The following BCKDHB variants were observed in gnomAD, a reference collection of about 807,000 sequenced individuals.
The protein encoded by BCKDHB is branched chain keto acid dehydrogenase E1 subunit beta, also known as 2-oxoisovalerate dehydrogenase subunit beta, mitochondrial.
BCKDHB carries 41 observed loss-of-function variants against 48.5 expected under a neutral mutation model. That is an observed-to-expected ratio of 0.85 (90% CI 0.66 to 1.10). The LOEUF (loss-of-function observed/expected upper bound fraction) is 1.10. BCKDHB is among the 50% of genes least tolerant of loss of function. The pLI is 0.00. For synonymous variants in BCKDHB, 201 were observed against 174.8 expected (o/e 1.15, Z -1.18); for missense variants, 496 against 494.2 (o/e 1.00, Z -0.03).
At chr6:80,460,083 A>T in the BCKDHB span, among the ~76,000 whole-genome samples, 2 of 152,176 alleles carry the variant, frequency 1.3e-5, no homozygotes, top group Non-Finnish European at 2.9e-5. Context: ...ATTAGAAAAG[A>T]TGTAAGAAAT....
chr6:80,273,000 G>T, intron 8 of BCKDHB, 135 bp from the exon 9 acceptor site: 1 of 731,608 alleles, frequency 1.4e-6, no homozygotes, highest in South Asian at 1.7e-5. Context: ...TAACTTATTG[G>T]CATACAATTG....
At chr6:80,212,403 C>A (rs1774979727) in intron 8 of BCKDHB, among the ~76,000 whole-genome samples, 6 of 152,116 alleles carry the variant, frequency 3.9e-5, no homozygotes, top group Admixed American at 3.9e-4. Context: ...ACTTGCATGT[C>A]CATTTATAGG....
At chr6:80,346,918 A>G (rs1490103851), downstream of BCKDHB, among the ~76,000 whole-genome samples, 1 of 145,970 alleles carries the variant, frequency 6.9e-6, no homozygotes, top group Admixed American at 6.7e-5. Context: ...CATGGGTTCT[A>G]GGAAAAAGGT....
chr6:80,415,886 G>T, the BCKDHB span, among the ~76,000 whole-genome samples: 1 of 151,794 alleles, frequency 6.6e-6, no homozygotes, highest in African/African-American at 2.4e-5. Context: ...ATTCACCTGT[G>T]AATCTATGTG....
intron 8 of BCKDHB, among the ~76,000 whole-genome samples, chr6:80,259,911 C>T (rs1346824052): frequency 6.6e-6 from 1 of 152,072 alleles, no homozygotes; most frequent in Non-Finnish European, 1.5e-5. Flanking sequence ...GATAAATATC[C>T]ACAACTCCAA....
intron 1 of BCKDHB, among the ~76,000 whole-genome samples, chr6:80,108,280 G>C (rs1456211568): frequency 6.6e-6 from 1 of 150,624 alleles, no homozygotes; most frequent in Non-Finnish European, 1.5e-5. Flanking sequence ...TTGTGAAACA[G>C]TAGGTACCAT....
intron 6 of BCKDHB, among the ~76,000 whole-genome samples, chr6:80,193,668 C>T (rs1021720556): frequency 2.7e-5 from 4 of 147,768 alleles, no homozygotes; most frequent in East Asian, 2.0e-4. Context: ...TGCAGTGAGC[C>T]GGGACTGTGC....
chr6:80,268,293 C>G (rs1777597967), intron 8 of BCKDHB, among the ~76,000 whole-genome samples: 1 of 152,004 alleles, frequency 6.6e-6, no homozygotes, highest in Non-Finnish European at 1.5e-5. Flanking sequence ...CTTAATGATT[C>G]TAAATTGTAT....
At chr6:80,331,591 T>C (rs1769317811) in intron 9 of BCKDHB, among the ~76,000 whole-genome samples, 1 of 152,226 alleles carries the variant, frequency 6.6e-6, no homozygotes. Context: ...CAAGCTGTGC[T>C]GGGTGAAACA....
intron 3 of BCKDHB, among the ~76,000 whole-genome samples, chr6:80,134,146 G>T (rs1770769080): frequency 6.6e-6 from 1 of 152,112 alleles, no homozygotes; most frequent in Non-Finnish European, 1.5e-5. Flanking sequence ...CCTGGTTGTG[G>T]TTCTTAGTGT....
At chr6:80,244,682 G>A (rs1471642936) in intron 8 of BCKDHB, among the ~76,000 whole-genome samples, 1 of 152,076 alleles carries the variant, frequency 6.6e-6, no homozygotes, top group Non-Finnish European at 1.5e-5. Flanking sequence ...TTCTTTTCGA[G>A]CAAAATGGTA....
intron 6 of BCKDHB, among the ~76,000 whole-genome samples, chr6:80,175,396 G>T (rs1773103486): frequency 6.6e-6 from 1 of 152,186 alleles, no homozygotes; most frequent in African/African-American, 2.4e-5. Flanking sequence ...ACAATGACAG[G>T]AAATGGATAT....
chr6:80,352,164 A>G, the BCKDHB span, among the ~76,000 whole-genome samples: 1 of 127,852 alleles, frequency 7.8e-6, no homozygotes, highest in Admixed American at 7.6e-5. Flanking sequence ...TTTTTTTTGG[A>G]GATAGGGTTT....
At chr6:80,240,414 A>G in intron 8 of BCKDHB, among the ~76,000 whole-genome samples, 1 of 152,054 alleles carries the variant, frequency 6.6e-6, no homozygotes. Flanking sequence ...TAGGTATTTT[A>G]TTCTCTTTGA....
the BCKDHB span, among the ~76,000 whole-genome samples, chr6:80,387,051 A>G: frequency 6.6e-6 from 1 of 152,252 alleles, no homozygotes; most frequent in African/African-American, 2.4e-5. Flanking sequence ...ATGATTAGAC[A>G]TTTCAGGGAC....
intron 9 of BCKDHB, among the ~76,000 whole-genome samples, chr6:80,279,657 A>G (rs761409505): frequency 6.6e-6 from 1 of 151,482 alleles, no homozygotes; most frequent in Non-Finnish European, 1.5e-5. Context: ...GTTATTTCTC[A>G]CATCCCTTTT....
At chr6:80,351,618 A>G in the BCKDHB span, among the ~76,000 whole-genome samples, 1 of 148,194 alleles carries the variant, frequency 6.7e-6, no homozygotes, top group Admixed American at 6.8e-5. Flanking sequence ...GATTTTTCAT[A>G]TCAATAGATC....
At chr6:80,163,336 C>T (rs116377352) in intron 3 of BCKDHB, among the ~76,000 whole-genome samples, 1,845 of 149,002 alleles carry the variant, frequency 0.012, 33 homozygotes, top group African/African-American at 0.043. Flanking sequence ...TCTCTTCTCT[C>T]CTACTTTGCA....
At chr6:80,170,244 T>C (rs1426515276) in intron 5 of BCKDHB, among the ~76,000 whole-genome samples, 1 of 152,208 alleles carries the variant, frequency 6.6e-6, no homozygotes, top group East Asian at 1.9e-4. Context: ...CTCTTTTATT[T>C]TTAAAATAAA....
Sources: allele counts gnomAD v4.1 joint callset (sites outside exome capture counted in the v4.1 genomes callset), GRCh38; gene constraint gnomAD v4.1.1; transcripts MANE v1.5; gene names NCBI Gene and HGNC (gene_info 2026-07-23, HGNC 2026-07-21).